Variants in C11orf16 observed in about 807,000 individuals in gnomAD.
C11orf16 encodes chromosome 11 open reading frame 16.
A neutral mutation model predicts 45.1 loss-of-function variants in C11orf16; 38 were observed. The ratio of observed to expected loss-of-function variants is 0.84; its 90% CI spans 0.65 to 1.10. C11orf16 has a LOEUF of 1.10. C11orf16 is among the 50% of genes least tolerant of loss of function. The pLI, the probability that C11orf16 is intolerant of heterozygous loss-of-function variation, is 0.00. For synonymous variants in C11orf16, 221 were observed against 222.0 expected (o/e 1.00, Z 0.04); for missense variants, 583 against 569.5 (o/e 1.02, Z -0.24).
intron 2 of C11orf16, among the ~76,000 whole-genome samples, chr11:8,930,787 A>G (rs1232154522): frequency 1.3e-5 from 2 of 152,176 alleles, no homozygotes; most frequent in South Asian, 2.1e-4. Context: ...ACATGCCGTC[A>G]CTGCACCCAG....
rs2134833347 is a variant in C11orf16, at chr11:8,925,410, G to T, written c.1204+53C>A. The T allele has an allele frequency of 2.0e-6, 3 of 1,523,112 alleles. No individual in the cohort carries two copies. In the East Asian group the frequency reaches 6.8e-5, roughly 34 times the overall value. 94.3% of individuals were successfully genotyped at this position (1,523,112 alleles called of 1,614,324 possible). Reference sequence around the variant, plus strand: ...CCTAAGGGACATGTGGGAGGGAAGGGAGGCGGGGCCCCAGCCCCTGCCTTA... The same window carrying T: ...CCTAAGGGACATGTGGGAGGGAAGGTAGGCGGGGCCCCAGCCCCTGCCTTA... On this transcript the variant is annotated intron_variant, in intron 5 of 6. Coordinates refer to ENST00000326053, the MANE Select transcript of C11orf16 (RefSeq NM_020643.3).
chr11:8,922,487 A>T (rs963388071), intron 5 of C11orf16, among the ~76,000 whole-genome samples: 40 of 152,340 alleles, frequency 2.6e-4, no homozygotes, highest in African/African-American at 9.4e-4. Context: ...AAAACTACAG[A>T]TTGAATCCTG....
chr11:8,929,543 A>G lies in C11orf16; in HGVS notation c.168-10T>C, dbSNP rs769726988. ...GCAAGAAGAGGCATGCCTGGAAAAA[A>G]GCAAATGGAATTAGTGGATAGAGAG... On this transcript the variant is annotated splice_polypyrimidine_tract_variant and intron_variant, in intron 2 of 6. Coordinates refer to ENST00000326053, the MANE Select transcript of C11orf16 (RefSeq NM_020643.3). 9 of 1,607,302 alleles carry G rather than the reference A, an allele frequency of 5.6e-6. No individual in the cohort carries two copies. The African/African-American group carries it at 1.1e-4, about 19-fold the overall frequency.
chr11:8,927,250 G>T, intron 3 of C11orf16, 76 bp from the exon 4 acceptor site: 1 of 1,195,718 alleles, frequency 8.4e-7, no homozygotes, highest in Non-Finnish European at 1.2e-6. Flanking sequence ...TCCCTACGAT[G>T]CCCCCCAAAT....
In C11orf16 at chr11:8,930,059, G is replaced by A. The variant is rs113532676; in HGVS notation, c.168-526C>T. ...TGCTTGAATCTGGGAGGTAGAGGTT[G>A]CAGTGGGCTGAAATGACACTACTGC... On this transcript the variant is annotated intron_variant, in intron 2 of 6. Coordinates refer to ENST00000326053, the MANE Select transcript of C11orf16 (RefSeq NM_020643.3). Among the ~76,000 whole-genome samples the A allele has an allele frequency of 3.0e-3, 450 of 152,150 alleles. 2 individuals carry two copies. The highest frequency in any genetic ancestry group is 0.01 in the African/African-American group (424 of 41,506).
intron 2 of C11orf16, among the ~76,000 whole-genome samples, 182 bp downstream of exon 2, chr11:8,931,960 G>A (rs981742586): frequency 6.6e-6 from 1 of 152,322 alleles, no homozygotes; most frequent in Non-Finnish European, 1.5e-5. Flanking sequence ...AGGGCTCTGG[G>A]AGCACAATGT....
Position 8,925,895 on chromosome 11 carries a change from G to A in C11orf16, c.772C>T (p.Pro258Ser), listed in dbSNP as rs1262360933. 2 of 1,614,222 alleles carry A rather than the reference G, an allele frequency of 1.2e-6. No individual in the cohort carries two copies. Among genetic ancestry groups the A allele is most frequent in the South Asian group, 1.1e-5 (1 of 91,088 alleles). The change falls in exon 5 of 7, where the codon CCT (proline) becomes TCT (serine). Residue 258 changes from proline to serine, a missense_variant. Physicochemically the swap from Pro to Ser is moderately conservative, Grantham distance 74. Coordinates refer to ENST00000326053, the MANE Select transcript of C11orf16 (RefSeq NM_020643.3). ...GGGCACAGGAATGGAGCATCCGGAG[G>A]AAGCTCATTAGTGATGCGCCCAGTG... is the stretch of plus-strand genomic sequence containing the variant. ...PITGRITNELPPDAPFLCPLC... is the reference protein window; with the variant it reads ...PITGRITNELSPDAPFLCPLC...
Position 8,925,825 on chromosome 11 carries a change from C to A in C11orf16, c.842G>T (p.Cys281Phe). ...GCCACATGGCGGGCAGCCACAGAGG[C>A]AGCCCTGGCACAGTAGCTGGCAGCA... The part of the protein sequence containing the change: ...HACCQLLCQG[C>F]LCGCPPCGTT... The change falls in exon 5 of 7, where the codon TGC becomes TTC. Residue 281 changes from cysteine to phenylalanine, a missense_variant. Transcript: ENST00000326053. 2 of 1,614,218 alleles carry A rather than the reference C, an allele frequency of 1.2e-6. No homozygotes were observed. Among genetic ancestry groups the A allele is most frequent in the Non-Finnish European group, 1.7e-6 (2 of 1,180,046 alleles).
At chr11:8,921,586 G>A in intron 5 of C11orf16, 71 bp from the exon 6 acceptor site, 5 of 1,332,592 alleles carry the variant, frequency 3.8e-6, no homozygotes, top group Non-Finnish European at 5.4e-6. Flanking sequence ...ACTAAAACAA[G>A]GATCACTGAA....
In C11orf16 at chr11:8,932,161, C is replaced by T. The variant is rs183943898; in HGVS notation, c.148G>A (p.Gly50Arg). ...AGGTACCTTGCAAGGGGCTTGTGCC[C>T]GGTGAGCCAGGGTGCTTGGAGGGCA... is the stretch of plus-strand genomic sequence containing the variant. ...PFALQAPWLTGHKPLARHASS... is the reference protein window; with the variant it reads ...PFALQAPWLTRHKPLARHASS... Residue 50 changes from glycine to arginine, a missense_variant, in exon 2 of 7, where the codon GGG becomes AGG. Transcript: ENST00000326053. 85 of 1,584,394 alleles carry T rather than the reference C, an allele frequency of 5.4e-5. No homozygotes were observed. The highest frequency in any genetic ancestry group is 8.1e-5 in the South Asian group (7 of 86,572).
chr11:8,926,530 C>T (rs971133390), intron 4 of C11orf16, among the ~76,000 whole-genome samples: 3 of 151,790 alleles, frequency 2.0e-5, no homozygotes, highest in African/African-American at 7.3e-5. Flanking sequence ...CAGGGGCTCA[C>T]TTTTCTTGTC....
At chr11:8,923,727 C>T (rs983178364) in intron 5 of C11orf16, among the ~76,000 whole-genome samples, 2 of 152,084 alleles carry the variant, frequency 1.3e-5, no homozygotes, top group Non-Finnish European at 2.9e-5. Flanking sequence ...CCTCAGCCTC[C>T]CAACTAGCTG....
chr11:8,921,819 T>G (rs1020447832), intron 5 of C11orf16, among the ~76,000 whole-genome samples: 13 of 152,110 alleles, frequency 8.5e-5, no homozygotes, highest in South Asian at 2.1e-4. Flanking sequence ...ATTGTTTAGT[T>G]TTTTGTAGAA....
In C11orf16 at chr11:8,925,805, A is replaced by G. The variant is rs1339443287; in HGVS notation, c.862T>C (p.Cys288Arg). The change falls in exon 5 of 7, where the codon TGT becomes CGT. Residue 288 changes from cysteine to arginine, a missense_variant. By Grantham distance (180) the Cys-to-Arg change is radical. Transcript: ENST00000326053. ...GTTAGAGGCCACCAAGTCGTGCCAC[A>G]TGGCGGGCAGCCACAGAGGCAGCCC... The part of the protein sequence containing the change: ...CQGCLCGCPP[C>R]GTTWWPLTRT... 1.9e-6 allele frequency: 3 copies of G among 1,614,162 alleles called. No homozygotes were observed. Among genetic ancestry groups the G allele is most frequent in the Non-Finnish European group, 1.7e-6 (2 of 1,180,016 alleles).
At position 8,925,540 on chromosome 11, in the gene C11orf16, A is replaced by G; in HGVS notation, c.1127T>C (p.Leu376Pro). Residue 376 changes from leucine to proline, a missense_variant, in exon 5 of 7, where the codon CTG (leucine) becomes CCG (proline). Transcript: ENST00000326053. ...AGGCTGGCAGAGGCCACTCTGTCTC[A>G]GAGGCATCTCAAGAAAGATGGGATC... ...NTDPIFLEMP[L>P]RQSGLCQPEW... 2 of 1,614,226 alleles carry G rather than the reference A, an allele frequency of 1.2e-6. No individual in the cohort carries two copies. The highest frequency in any genetic ancestry group is 1.7e-6 in the Non-Finnish European group (2 of 1,180,038).
chr11:8,921,515 C>T lies in C11orf16; in HGVS notation c.1205G>A (p.Gly402Glu). 6.2e-7 allele frequency: 1 copy of T among 1,614,124 alleles called. No individual in the cohort carries two copies. Among genetic ancestry groups the T allele is most frequent in the Non-Finnish European group, 8.5e-7 (1 of 1,179,978 alleles). ...TTTGCAGATGTTGGAATATCTTGTT[C>T]CTAAACCCAAAAGTCAATTACTTAG... ...NGPEPCLGKP[G>E]TRYSNICKEE... The change falls in exon 6 of 7, where the codon GGA (glycine) becomes GAA (glutamate). Residue 402 changes from glycine (G) to glutamate (E), a missense_variant and splice_region_variant. By Grantham distance (98) the Gly-to-Glu change is moderately conservative. Coordinates refer to ENST00000326053, the MANE Select transcript of C11orf16 (RefSeq NM_020643.3).
chr11:8,924,741 C>T (rs550526935), intron 5 of C11orf16, among the ~76,000 whole-genome samples: 2 of 152,150 alleles, frequency 1.3e-5, no homozygotes. Flanking sequence ...CCCAGGACTC[C>T]CAGAATCTTG....
Position 8,921,446 on chromosome 11 carries a change from A to G in C11orf16, c.1274T>C (p.Val425Ala), listed in dbSNP as rs1284580079. The change falls in exon 6 of 7, where the codon GTG (valine) becomes GCG (alanine). Residue 425 changes from valine (V) to alanine (A), a missense_variant. Physicochemically the swap from Val to Ala is moderately conservative, Grantham distance 64. Coordinates refer to ENST00000326053, the MANE Select transcript of C11orf16 (RefSeq NM_020643.3). ...CGAGACCAGCTCCTTGGTAGTCCCCACTACTGCAGTTTGTGCTCTCTGCTG... is the reference window on the plus strand; with the variant it reads ...CGAGACCAGCTCCTTGGTAGTCCCCGCTACTGCAGTTTGTGCTCTCTGCTG... Reference protein sequence around the residue: ...HKQQRAQTAVVGTTKELVSKA... With the variant: ...HKQQRAQTAVAGTTKELVSKA... The G allele has an allele frequency of 6.2e-7, 1 of 1,614,046 alleles. No homozygotes were observed. The highest frequency in any genetic ancestry group is 8.5e-7 in the Non-Finnish European group (1 of 1,180,006).
In C11orf16 at chr11:8,926,042, C is replaced by A; in HGVS notation, c.625G>T (p.Gly209Trp). Residue 209 changes from glycine (G) to tryptophan (W), a missense_variant, in exon 5 of 7, where the codon GGG becomes TGG. By Grantham distance (184) the Gly-to-Trp change is radical (BLOSUM62 -2). Coordinates refer to ENST00000326053, the MANE Select transcript of C11orf16 (RefSeq NM_020643.3). ...ATGGTCAGGGACACCGACTGGACCC[C>A]ACCTAGGGGCACTTTAGCAGCTTTG... Reference protein sequence around the residue: ...NGKAAKVPLGGVQSVSLTIWK... With the variant: ...NGKAAKVPLGWVQSVSLTIWK... 2 of 1,614,034 alleles carry A rather than the reference C, an allele frequency of 1.2e-6. No individual in the cohort carries two copies. The highest frequency in any genetic ancestry group is 1.7e-6 in the Non-Finnish European group (2 of 1,179,974).
Sources: allele counts gnomAD v4.1 joint callset (sites outside exome capture counted in the v4.1 genomes callset), GRCh38; gene constraint gnomAD v4.1.1; transcripts MANE v1.5; gene names NCBI Gene and HGNC (gene_info 2026-07-23, HGNC 2026-07-21).